PAK2: variants seen among roughly 807,000 people sequenced by gnomAD.
The protein encoded by PAK2 is p21 (RAC1) activated kinase 2, also known as serine/threonine-protein kinase PAK 2.
In PAK2, 21 loss-of-function variants were observed where a neutral mutation model predicts 65.9. That is an observed-to-expected ratio of 0.32 (90% CI 0.23 to 0.46). The LOEUF is 0.46. PAK2 is among the 20% of genes least tolerant of loss of function. The pLI, the probability that PAK2 is intolerant of heterozygous loss-of-function variation, is 1.00. For synonymous variants in PAK2, 204 were observed against 219.7 expected (o/e 0.93, Z 0.63); for missense variants, 324 against 642.6 (o/e 0.50, Z 5.36).
chr3:196,812,847 G>T lies in PAK2; in HGVS notation c.931G>T (p.Asp311Tyr), dbSNP rs1277797975. Residue 311 changes from aspartate (D) to tyrosine (Y), a missense_variant, in exon 10 of 15, where the codon GAC (aspartate) becomes TAC (tyrosine). This residue lies in a region of PAK2 where 183 missense variants were observed against 246.2 expected (regional missense o/e 0.74). Coordinates refer to ENST00000327134, the MANE Select transcript of PAK2 (RefSeq NM_002577.4). ...LKNPNIVNFL[D>Y]SYLVGDELFV... is the part of the protein sequence containing the mutation. ...AAATCCCAACATCGTTAACTTTTTG[G>T]ACAGGTAAGTATGACTATTCCTTAA... 7.3e-7 allele frequency: 1 copy of T among 1,365,500 alleles called. No individual in the cohort carries two copies. The highest frequency in any genetic ancestry group is 1.0e-6 in the Non-Finnish European group (1 of 955,240). 84.6% of individuals were successfully genotyped at this position (1,365,500 alleles called of 1,614,324 possible).
At chr3:196,827,437 C>T (rs1485980157) in intron 14 of PAK2, 104 bp downstream of exon 14, 5 of 1,515,736 alleles carry the variant, frequency 3.3e-6, no homozygotes, top group Non-Finnish European at 4.4e-6. Flanking sequence ...TCATTGATCA[C>T]CAGCGGTATG....
At chr3:196,827,700 T>A (rs1011505501) in intron 14 of PAK2, among the ~76,000 whole-genome samples, 1 of 152,062 alleles carries the variant, frequency 6.6e-6, no homozygotes, top group Non-Finnish European at 1.5e-5. Flanking sequence ...CATGTGTACA[T>A]ATGTAACAAA....
At position 196,741,126 on chromosome 3, in the gene PAK2, C is replaced by A. The variant is rs9839489; in HGVS notation, c.-22+969C>A. On this transcript the variant is annotated intron_variant, in intron 1 of 14. Coordinates refer to ENST00000327134, the MANE Select transcript of PAK2 (RefSeq NM_002577.4). ...TTCTTTTTTAACCTTTATAAAAAGA[C>A]AAAATGGTTAGGCCTAAAATTAAAC... Among the ~76,000 whole-genome samples, 1,009 of 152,210 alleles carry A rather than the reference C, an allele frequency of 6.6e-3. 5 individuals carry two copies. Among genetic ancestry groups the A allele is most frequent in the African/African-American group, 0.023 (939 of 41,532 alleles).
At chr3:196,751,696 A>AATTATC (rs373145395) in intron 1 of PAK2, among the ~76,000 whole-genome samples, 3 of 72,664 alleles carry the variant, frequency 4.1e-5, no homozygotes, top group Admixed American at 1.6e-4. Context: ...TATATATATA[A>AATTATC]TTCAGGCTAT....
At chr3:196,790,705 C>G (rs1218751846) in intron 2 of PAK2, among the ~76,000 whole-genome samples, 1 of 152,236 alleles carries the variant, frequency 6.6e-6, no homozygotes, top group East Asian at 1.9e-4. Context: ...GGGCCACTTA[C>G]AGACTCCCAG....
At chr3:196,823,475 C>T (rs2108775084) in intron 13 of PAK2, among the ~76,000 whole-genome samples, 1 of 152,098 alleles carries the variant, frequency 6.6e-6, no homozygotes, top group East Asian at 1.9e-4. Flanking sequence ...TCAGCAGATC[C>T]AGAAGCTGAT....
intron 1 of PAK2, among the ~76,000 whole-genome samples, chr3:196,757,553 G>C (rs1713810727): frequency 6.6e-6 from 1 of 151,956 alleles, no homozygotes; most frequent in African/African-American, 2.4e-5. Flanking sequence ...AGGTTTTTGT[G>C]ATCATCATGT....
chr3:196,750,043 A>G (rs1208498194), intron 1 of PAK2, among the ~76,000 whole-genome samples: 2 of 150,432 alleles, frequency 1.3e-5, no homozygotes, highest in Admixed American at 6.6e-5. Flanking sequence ...CTGTGGTGCA[A>G]TGGCATGATC....
Position 196,820,723 on chromosome 3 carries a change from T to C in PAK2, c.1350+156T>C, listed in dbSNP as rs1397193247. On this transcript the variant is annotated intron_variant, in intron 13 of 14. Transcript: ENST00000327134. This position sits in a 1 kb window ranked among gnomAD's most constrained non-coding sequence, Gnocchi z 4.6. ...CTGCATCTAGAAATCATTTGCTCTC[T>C]GAGTTACAAATTAATGTGTTAGGTG... Among the ~76,000 whole-genome samples, 1 of 152,228 alleles carries C rather than the reference T, an allele frequency of 6.6e-6. No individual in the cohort carries two copies. The highest frequency in any genetic ancestry group is 6.5e-5 in the Admixed American group (1 of 15,276).
chr3:196,793,433 A>G (rs984070094), intron 2 of PAK2, among the ~76,000 whole-genome samples: 16 of 152,170 alleles, frequency 1.1e-4, no homozygotes, highest in Non-Finnish European at 2.2e-4. Flanking sequence ...AAAATACTTT[A>G]GGTACCTTGC....
chr3:196,779,469 G>T (rs116191202), intron 1 of PAK2, among the ~76,000 whole-genome samples: 33 of 152,260 alleles, frequency 2.2e-4, no homozygotes, highest in African/African-American at 7.5e-4. Context: ...GTGTAAGTCG[G>T]TGGTGGAAAC....
intron 1 of PAK2, among the ~76,000 whole-genome samples, chr3:196,761,516 C>G (rs1713963028): frequency 1.0e-5 from 1 of 100,018 alleles, no homozygotes; most frequent in Admixed American, 1.2e-4. Context: ...AAGAATTTTT[C>G]TTAGTGCAGA....
At chr3:196,818,800 GA>G (rs1222357614) in intron 12 of PAK2, among the ~76,000 whole-genome samples, 1 of 151,990 alleles carries the variant, frequency 6.6e-6, no homozygotes, top group African/African-American at 2.4e-5. Flanking sequence ...AATAACCTTG[GA>G]TAAGTTGTCT....
chr3:196,812,252 T>C lies in PAK2; in HGVS notation c.807T>C (p.Val269=), dbSNP rs747686520. The change falls in exon 9 of 15, where the codon GTT becomes GTC. Residue 269 remains valine (V), a synonymous_variant. Transcript: ENST00000327134. ...GTACAGTTTTCACTGCTACTGACGT[T>C]GCACTGGGACAGGAGGTAGTTACTT... The part of the protein sequence containing the change: ...ASGTVFTATD[V]ALGQEVAIKQ... 251 of 1,587,706 alleles carry C rather than the reference T, an allele frequency of 1.6e-4. 1 individual carries two copies. Among genetic ancestry groups the C allele is most frequent in the Non-Finnish European group, 1.7e-4 (199 of 1,156,258 alleles).
chr3:196,789,793 G>T (rs183200101), intron 2 of PAK2, among the ~76,000 whole-genome samples: 2 of 152,104 alleles, frequency 1.3e-5, no homozygotes, highest in African/African-American at 2.4e-5. Flanking sequence ...GGGGCTGACG[G>T]GGGGGTGGTT....
At chr3:196,797,112 A>G (rs957009473) in intron 2 of PAK2, among the ~76,000 whole-genome samples, 2 of 152,182 alleles carry the variant, frequency 1.3e-5, no homozygotes, top group Admixed American at 1.3e-4. Flanking sequence ...AACACTCCAC[A>G]CAATAACAGT....
In PAK2 at chr3:196,791,810, G is replaced by T. The variant is rs539794254; in HGVS notation, c.187+8977G>T. Among the ~76,000 whole-genome samples the T allele has an allele frequency of 1.3e-5, 2 of 152,086 alleles. No homozygotes were observed. The highest frequency in any genetic ancestry group is 4.1e-4 in the South Asian group (2 of 4,832). ...GTGGTGGCGGGCCCCTGTAGTCCCA[G>T]CTACTCGGGAGGCTGAGGCAGGAGA... is the stretch of plus-strand genomic sequence containing the variant. On this transcript the variant is annotated intron_variant, in intron 2 of 14. Transcript: ENST00000327134. This position sits in a 1 kb window ranked among gnomAD's most constrained non-coding sequence, Gnocchi z 4.0.
chr3:196,808,557 C>CAAAAAAAAAAAAAAAAAAAAAA lies in PAK2; in HGVS notation c.709+661_709+662insAAAAAAAAAAAAAAAAAAAAAA, dbSNP rs1208200034. 2.3e-4 allele frequency among the ~76,000 whole-genome samples: 13 copies of CAAAAAAAAAAAAAAAAAAAAAA among 56,566 alleles called. 1 individual carries two copies. The highest frequency in any genetic ancestry group is 8.7e-4 in the African/African-American group (13 of 14,928). 37.1% of individuals were successfully genotyped at this position (56,566 alleles called of 152,430 possible). On this transcript the variant is annotated intron_variant, in intron 7 of 14. Coordinates refer to ENST00000327134, the MANE Select transcript of PAK2 (RefSeq NM_002577.4). ...GCCTGGCAACAGTGAGACTCCATCT[C>CAAAAAAAAAAAAAAAAAAAAAA]AAAAAAAAAAAAAAAAAAGCGAACC...
chr3:196,768,249 C>T (rs776829825), intron 1 of PAK2, among the ~76,000 whole-genome samples: 1 of 151,950 alleles, frequency 6.6e-6, no homozygotes, highest in Non-Finnish European at 1.5e-5. Context: ...CATTCCTAAT[C>T]ATGTTTATTT....
Sources: gnomAD v4.1 joint callset for allele counts (sites outside exome capture counted in the v4.1 genomes callset) on GRCh38, gnomAD v4.1.1 for gene constraint, gnomAD v4.1.1 regional missense constraint, Gnocchi (gnomAD v3.1) non-coding constraint, MANE v1.5 for transcripts, NCBI Gene and HGNC (gene_info 2026-07-23, HGNC 2026-07-21) for gene names.